Variants in TENM2 observed in about 807,000 individuals in gnomAD.
TENM2 encodes teneurin transmembrane protein 2.
In TENM2, 52 loss-of-function variants were observed where a neutral mutation model predicts 245.2. That is an observed-to-expected ratio of 0.21 (90% CI 0.17 to 0.27). The LOEUF (loss-of-function observed/expected upper bound fraction) is 0.27. Ranked by LOEUF, TENM2 falls within the 10% of genes least tolerant of loss-of-function variation. The pLI is 1.00. For missense variants in TENM2, 3,046 were observed against 3,666.8 expected, an observed-to-expected ratio of 0.83 and a Z score of 4.37; for synonymous variants, 1,363 against 1,438.9, an observed-to-expected ratio of 0.95 and a Z score of 1.19.
chr5:167,378,247 A>G (rs1052662110), intron 2 of TENM2, among the ~76,000 whole-genome samples: 1 of 152,106 alleles, frequency 6.6e-6, no homozygotes, highest in African/African-American at 2.4e-5. Flanking sequence ...TAAAATCTTT[A>G]ATTTTGCCAA....
At chr5:167,163,747 G>T in the TENM2 span, among the ~76,000 whole-genome samples, 3 of 152,156 alleles carry the variant, frequency 2.0e-5, no homozygotes, top group African/African-American at 7.2e-5. Flanking sequence ...ATTCCAGCAG[G>T]CTGTTGCTAC....
At chr5:167,334,405 C>G (rs1263783861) in intron 1 of TENM2, among the ~76,000 whole-genome samples, 1 of 152,122 alleles carries the variant, frequency 6.6e-6, no homozygotes, top group Non-Finnish European at 1.5e-5. Context: ...GAAAATAAAA[C>G]AATTTCTTTC....
At chr5:167,368,731 A>AG (rs1445668017) in intron 1 of TENM2, among the ~76,000 whole-genome samples, 1 of 152,088 alleles carries the variant, frequency 6.6e-6, no homozygotes, top group Non-Finnish European at 1.5e-5. Flanking sequence ...AAGGTGAGGA[A>AG]GGGGGTGCAG....
At chr5:167,151,271 A>G in the TENM2 span, among the ~76,000 whole-genome samples, 1 of 152,228 alleles carries the variant, frequency 6.6e-6, no homozygotes, top group African/African-American at 2.4e-5. Flanking sequence ...TCAATGGGGA[A>G]AGTTTTATGA....
intron 2 of TENM2, among the ~76,000 whole-genome samples, chr5:167,629,505 T>G (rs1053782312): frequency 6.6e-6 from 1 of 152,222 alleles, no homozygotes; most frequent in East Asian, 1.9e-4. Flanking sequence ...TGATTATTTT[T>G]ATATCACTGT....
At chr5:167,761,660 C>T (rs1052933793) in intron 2 of TENM2, among the ~76,000 whole-genome samples, 1 of 152,190 alleles carries the variant, frequency 6.6e-6, no homozygotes, top group Non-Finnish European at 1.5e-5. Flanking sequence ...AGCACTTACA[C>T]AGACCCACAA....
chr5:167,976,943 A>G (rs938358610), intron 4 of TENM2, among the ~76,000 whole-genome samples: 1 of 152,352 alleles, frequency 6.6e-6, no homozygotes, highest in East Asian at 1.9e-4. Context: ...GGTAGACTAG[A>G]TAAAGAAGAT....
At chr5:167,667,783 A>G (rs1229390748) in intron 2 of TENM2, among the ~76,000 whole-genome samples, 1 of 152,184 alleles carries the variant, frequency 6.6e-6, no homozygotes, top group Non-Finnish European at 1.5e-5. Flanking sequence ...GTGCCTGGGT[A>G]TAATGGGAAT....
intron 2 of TENM2, among the ~76,000 whole-genome samples, chr5:167,436,081 C>T (rs996711642): frequency 3.4e-5 from 5 of 145,280 alleles, no homozygotes; most frequent in African/African-American, 1.3e-4. Flanking sequence ...TGGGTTCAAG[C>T]GATTCTCCTG....
intron 2 of TENM2, among the ~76,000 whole-genome samples, chr5:167,581,652 C>T (rs1775102811): frequency 6.6e-6 from 1 of 152,052 alleles, no homozygotes; most frequent in South Asian, 2.1e-4. Flanking sequence ...TTATCTATAT[C>T]TATTTCCAGA....
chr5:167,238,011 A>G, the TENM2 span, among the ~76,000 whole-genome samples: 8 of 146,712 alleles, frequency 5.5e-5, no homozygotes, highest in Non-Finnish European at 9.0e-5. Flanking sequence ...CTCTGTCTCA[A>G]AAAAAAAAAA....
Position 167,584,227 on chromosome 5 carries a change from C to T in TENM2, c.502+208754C>T, listed in dbSNP as rs563553291. 1.6e-4 allele frequency among the ~76,000 whole-genome samples: 24 copies of T among 152,336 alleles called. No homozygotes were observed. In the East Asian group the frequency reaches 4.4e-3, roughly 28 times the overall value. On this transcript the variant is annotated intron_variant, in intron 2 of 28. Coordinates refer to ENST00000518659, the Ensembl canonical transcript of TENM2. ...GCATAGATTTATTGAGACAAAAGTGCACTCCATAGAGTGGGAGCAGGCTCA... is the reference window on the plus strand; with the variant it reads ...GCATAGATTTATTGAGACAAAAGTGTACTCCATAGAGTGGGAGCAGGCTCA...
chr5:168,223,406 CTGA>C (rs1763842181), intron 23 of TENM2, among the ~76,000 whole-genome samples: 1 of 151,648 alleles, frequency 6.6e-6, no homozygotes, highest in Admixed American at 6.6e-5. Flanking sequence ...GCTTTGTTTT[CTGA>C]TGTTTTAAAT....
At chr5:167,543,270 C>A (rs1166034998) in intron 2 of TENM2, among the ~76,000 whole-genome samples, 1 of 152,122 alleles carries the variant, frequency 6.6e-6, no homozygotes, top group Non-Finnish European at 1.5e-5. Flanking sequence ...TGTTGAGATG[C>A]CTCTTGAGAC....
chr5:167,233,884 A>G, the TENM2 span, among the ~76,000 whole-genome samples: 31,424 of 151,738 alleles, frequency 0.21, 3,801 homozygotes, highest in African/African-American at 0.34. Flanking sequence ...TGATCTGAAA[A>G]TTAATAAACG....
intron 1 of TENM2, among the ~76,000 whole-genome samples, chr5:167,314,229 T>C (rs1756216548): frequency 6.6e-6 from 1 of 152,204 alleles, no homozygotes; most frequent in South Asian, 2.1e-4. Context: ...TCTTCTATTA[T>C]GCTTATCAGT....
intron 2 of TENM2, among the ~76,000 whole-genome samples, chr5:167,659,700 C>T (rs936436035): frequency 1.8e-4 from 27 of 152,112 alleles, no homozygotes; most frequent in African/African-American, 6.3e-4. Flanking sequence ...ATGTTTTCTG[C>T]TCCTCTAAGC....
chr5:167,515,660 C>T (rs796945474), intron 2 of TENM2, among the ~76,000 whole-genome samples: 869 of 85,244 alleles, frequency 0.01, 1 homozygote, highest in East Asian at 0.033. Context: ...CACATATATA[C>T]GTATATATGT....
At chr5:167,632,150 C>G (rs945208783) in intron 2 of TENM2, among the ~76,000 whole-genome samples, 2 of 152,144 alleles carry the variant, frequency 1.3e-5, no homozygotes, top group African/African-American at 4.8e-5. Context: ...TTTTACCCAG[C>G]CTCTCAGCGA....
Sources: allele counts gnomAD v4.1 joint callset (sites outside exome capture counted in the v4.1 genomes callset), GRCh38; gene constraint gnomAD v4.1.1; transcripts MANE v1.5; gene names NCBI Gene and HGNC (gene_info 2026-07-23, HGNC 2026-07-21).